The following ALMS1 variants were observed in gnomAD, a reference collection of about 807,000 sequenced individuals.
The protein encoded by ALMS1 is ALMS1 centrosome and basal body associated protein.
In ALMS1, 271 loss-of-function variants were observed where a neutral mutation model predicts 352.2. The observed-to-expected ratio is 0.77, with a 90% CI of 0.70 to 0.85. The LOEUF (loss-of-function observed/expected upper bound fraction) is 0.85, where lower values mean the gene tolerates loss of function less well. Among genes scored for constraint, ALMS1 ranks in the 40% least tolerant of loss-of-function variants. The pLI, the probability that ALMS1 is intolerant of heterozygous loss-of-function variation, is 0.00. For synonymous variants in ALMS1, 1,865 were observed against 1,761.2 expected (o/e 1.06, Z -1.48); for missense variants, 5,445 against 4,870.7 (o/e 1.12, Z -3.51).
chr2:73,526,560 A>G (rs1026664851), intron 11 of ALMS1, among the ~76,000 whole-genome samples: 1 of 151,794 alleles, frequency 6.6e-6, no homozygotes, highest in Admixed American at 6.6e-5. Context: ...TGTAAATGGG[A>G]TTATTTTTAA....
chr2:73,389,130 A>G (rs1392005425), intron 1 of ALMS1, among the ~76,000 whole-genome samples: 4 of 152,170 alleles, frequency 2.6e-5, no homozygotes, highest in African/African-American at 4.8e-5. Context: ...AATAATAGCC[A>G]TTCTGACTGG....
rs775391361 is a variant in ALMS1, at chr2:73,557,228, G to T, written c.10087G>T (p.Val3363Phe). The stretch of plus-strand genomic sequence containing the variant: ...TGATGTCGTTATTCCAGATGCCTCA[G>T]TTCAAGTGCTAATCACTGGGGATGA... ...PLQNENADAS[V>F]QVLITGDENL... The change falls in exon 14 of 23, where the codon GTT becomes TTT. Residue 3363 changes from valine (V) to phenylalanine (F), a missense_variant. By Grantham distance (50) the Val-to-Phe change is conservative. Coordinates refer to ENST00000613296, the MANE Select transcript of ALMS1 (RefSeq NM_001378454.1). 2 of 1,613,970 alleles carry T rather than the reference G, an allele frequency of 1.2e-6. No individual in the cohort carries two copies. Among genetic ancestry groups the T allele is most frequent in the South Asian group, 2.2e-5 (2 of 91,090 alleles).
At chr2:73,387,608 C>T (rs1389333146) in intron 1 of ALMS1, among the ~76,000 whole-genome samples, 3 of 152,176 alleles carry the variant, frequency 2.0e-5, no homozygotes, top group Non-Finnish European at 4.4e-5. Flanking sequence ...TGAGCACAGA[C>T]TGCAAGGCTT....
chr2:73,479,114 A>G (rs991507507), intron 9 of ALMS1, among the ~76,000 whole-genome samples: 5 of 152,140 alleles, frequency 3.3e-5, no homozygotes, highest in African/African-American at 9.7e-5. Context: ...TGGCATTTTT[A>G]AAGTGTTAGT....
Position 73,602,169 on chromosome 2 carries a change from T to C in ALMS1, c.12115-16T>C, listed in dbSNP as rs746685261. ...TAATCTGAGGCTGGGCATTTTCTCTTTTTTTTTTCTTTTAGGAATCGCTTC... is the reference window on the plus strand; with the variant it reads ...TAATCTGAGGCTGGGCATTTTCTCTCTTTTTTTTCTTTTAGGAATCGCTTC... On this transcript the variant is annotated splice_polypyrimidine_tract_variant and intron_variant, in intron 19 of 22. Coordinates refer to ENST00000613296, the MANE Select transcript of ALMS1 (RefSeq NM_001378454.1). The C allele has an allele frequency of 1.9e-6, 3 of 1,605,184 alleles. No homozygotes were observed. Among genetic ancestry groups the C allele is most frequent in the African/African-American group, 2.7e-5 (2 of 74,110 alleles).
intron 21 of ALMS1, 199 bp downstream of exon 21, chr2:73,603,503 G>A (rs1675746810): frequency 3.5e-6 from 2 of 578,160 alleles, no homozygotes; most frequent in Admixed American, 3.0e-5. Context: ...TGCAAAAGAT[G>A]AAAAACTTCT....
chr2:73,559,179 T>C, intron 15 of ALMS1, 37 bp downstream of exon 15: 1 of 1,599,532 alleles, frequency 6.3e-7, no homozygotes, highest in Non-Finnish European at 8.5e-7. Context: ...GTGTGTGTCT[T>C]TGTGTGTATG....
Position 73,490,081 on chromosome 2 carries a change from A to G in ALMS1, c.8122A>G (p.Met2708Val), listed in dbSNP as rs371904071. The change falls in exon 10 of 23, where the codon ATG (methionine) becomes GTG (valine). Residue 2708 changes from methionine (M) to valine (V), a missense_variant. Transcript: ENST00000613296. ...SSSQMPSPEP[M>V]KKFTTSITFS... ...ATCACAAATGCCGTCCCCAGAACCC[A>G]TGAAAAAGTTTACTACCTCCATCAC... 6 of 1,614,210 alleles carry G rather than the reference A, an allele frequency of 3.7e-6. No individual in the cohort carries two copies. Among genetic ancestry groups the G allele is most frequent in the Non-Finnish European group, 5.1e-6 (6 of 1,180,036 alleles).
chr2:73,554,850 A>T (rs1269060547), intron 13 of ALMS1, among the ~76,000 whole-genome samples: 5 of 152,174 alleles, frequency 3.3e-5, no homozygotes, highest in Non-Finnish European at 7.3e-5. Flanking sequence ...GTTTTCCCCC[A>T]TATTTTCCAC....
intron 12 of ALMS1, among the ~76,000 whole-genome samples, chr2:73,544,847 A>G (rs562040193): frequency 8.3e-4 from 126 of 152,322 alleles, no homozygotes; most frequent in African/African-American, 3.0e-3. Flanking sequence ...TGTGACATAT[A>G]TGTGTAATGG....
At chr2:73,492,583 C>G (rs765766534) in intron 10 of ALMS1, among the ~76,000 whole-genome samples, 1 of 152,104 alleles carries the variant, frequency 6.6e-6, no homozygotes, top group Non-Finnish European at 1.5e-5. Flanking sequence ...ATTTAATATC[C>G]TTGGCACTCA....
At chr2:73,441,979 C>G (rs1572926908) in intron 7 of ALMS1, among the ~76,000 whole-genome samples, 1 of 152,130 alleles carries the variant, frequency 6.6e-6, no homozygotes, top group South Asian at 2.1e-4. Context: ...TCAGGGATCT[C>G]AAGCCACAGA....
intron 19 of ALMS1, 71 bp downstream of exon 19, chr2:73,601,507 T>C: frequency 1.3e-6 from 2 of 1,576,262 alleles, no homozygotes; most frequent in African/African-American, 1.4e-5. Flanking sequence ...AGAAGCTGGC[T>C]CTGTGACTTG....
intron 16 of ALMS1, among the ~76,000 whole-genome samples, chr2:73,592,993 C>T (rs1410477869): frequency 6.6e-6 from 1 of 152,114 alleles, no homozygotes; most frequent in African/African-American, 2.4e-5. Flanking sequence ...GAAAGCCTAA[C>T]CCATGGTGGC....
Position 73,448,132 on chromosome 2 carries a change from T to A in ALMS1, c.1605T>A (p.Asp535Glu). The part of the protein sequence containing the change: ...PLETTTGQHT[D>E]TLNQKTLADT... ...AAACTACTACTGGTCAACACACTGA[T>A]ACTCTCAACCAAAAGACATTAGCAG... Residue 535 changes from aspartate (D) to glutamate (E), a missense_variant, in exon 8 of 23, where the codon GAT (aspartate) becomes GAA (glutamate). Asp to Glu is a conservative substitution (Grantham distance 45, BLOSUM62 2). Transcript: ENST00000613296. The A allele has an allele frequency of 6.2e-7, 1 of 1,613,990 alleles. No homozygotes were observed. The highest frequency in any genetic ancestry group is 8.5e-7 in the Non-Finnish European group (1 of 1,179,906).
intron 19 of ALMS1, 40 bp from the exon 20 acceptor site, chr2:73,602,145 A>C (rs1238014637): frequency 6.3e-7 from 1 of 1,581,384 alleles, no homozygotes; most frequent in East Asian, 2.3e-5. Context: ...TTGCATCATT[A>C]ATCTGAGGCT....
At chr2:73,422,441 G>T (rs953061680) in intron 3 of ALMS1, among the ~76,000 whole-genome samples, 1 of 152,136 alleles carries the variant, frequency 6.6e-6, no homozygotes, top group Non-Finnish European at 1.5e-5. Flanking sequence ...CATAACGGGT[G>T]TAGTCTATAT....
chr2:73,600,427 C>T (rs1675650879), intron 17 of ALMS1, among the ~76,000 whole-genome samples: 1 of 152,092 alleles, frequency 6.6e-6, no homozygotes, highest in Non-Finnish European at 1.5e-5. Flanking sequence ...CCTTTGAACC[C>T]ATATTCATTC....
chr2:73,386,147 C>T lies in ALMS1; in HGVS notation c.279C>T (p.Pro93=), dbSNP rs770203539. The T allele has an allele frequency of 3.3e-5, 51 of 1,556,948 alleles. No homozygotes were observed. The highest frequency in any genetic ancestry group is 1.8e-4 in the African/African-American group (13 of 73,182). Residue 93 remains proline, a synonymous_variant, in exon 1 of 23, where the codon CCC becomes CCT. Coordinates refer to ENST00000613296, the MANE Select transcript of ALMS1 (RefSeq NM_001378454.1). ...HPGRILPPLS[P]PQHRYSEGER... ...GCAGGATTTTGCCTCCGCTGTCGCC[C>T]CCGCAGCACCGCTACTCGGAGGGCG...
Sources: allele counts gnomAD v4.1 joint callset (sites outside exome capture counted in the v4.1 genomes callset), GRCh38; gene constraint gnomAD v4.1.1; transcripts MANE v1.5; gene names NCBI Gene and HGNC (gene_info 2026-07-23, HGNC 2026-07-21).